The following R3HDM1 variants were observed in gnomAD, a reference collection of about 807,000 sequenced individuals.
The protein encoded by R3HDM1 is R3H domain-containing protein 1.
Under a neutral mutation model 141.1 loss-of-function variants are expected in R3HDM1, and 46 were observed. The observed-to-expected ratio is 0.33, with a 90% CI of 0.26 to 0.42. The LOEUF (loss-of-function observed/expected upper bound fraction) is 0.42, where lower values mean the gene tolerates loss of function less well. Among genes scored for constraint, R3HDM1 ranks in the 10% least tolerant of loss-of-function variants. The pLI is 1.00. For missense variants in R3HDM1, 1,184 were observed against 1,368.3 expected, an observed-to-expected ratio of 0.87 and a Z score of 2.12; for synonymous variants, 435 against 472.9, an observed-to-expected ratio of 0.92 and a Z score of 1.04.
At chr2:135,578,875 T>C (rs964380259) in intron 1 of R3HDM1, among the ~76,000 whole-genome samples, 1 of 152,214 alleles carries the variant, frequency 6.6e-6, no homozygotes, top group East Asian at 1.9e-4. Flanking sequence ...GATAGTAGGC[T>C]AGAATTAACC....
In R3HDM1 at chr2:135,709,647, C is replaced by T. The variant is rs966779437; in HGVS notation, c.2563+111C>T. On this transcript the variant is annotated intron_variant, in intron 22 of 26. Coordinates refer to ENST00000683871, the MANE Select transcript of R3HDM1 (RefSeq NM_001378107.1). The stretch of plus-strand genomic sequence containing the variant: ...TCTCAATTTGTGATGTGCTGAAATA[C>T]ACCCACAATATTGAGGGTGCTGTAC... The T allele has an allele frequency of 4.7e-6, 6 of 1,288,802 alleles. No individual in the cohort carries two copies. The African/African-American group carries it at 7.4e-5, about 16-fold the overall frequency. The allele number at this position is 1,288,802 out of a possible 1,614,324, so 79.8% of individuals were successfully genotyped here. A position where few individuals can be genotyped will look rare whatever the true frequency, so the allele number is the denominator to read the frequency against.
At chr2:135,665,145 G>C (rs557208849) in intron 19 of R3HDM1, among the ~76,000 whole-genome samples, 4 of 152,250 alleles carry the variant, frequency 2.6e-5, no homozygotes, top group Admixed American at 2.0e-4. Flanking sequence ...TTACTTACCA[G>C]TTTCACTAAT....
intron 1 of R3HDM1, among the ~76,000 whole-genome samples, chr2:135,571,528 G>T (rs910347841): frequency 6.6e-6 from 1 of 151,702 alleles, no homozygotes; most frequent in Non-Finnish European, 1.5e-5. Flanking sequence ...GTTTCACCAC[G>T]TTGCCCAGAC....
chr2:135,722,591 AC>A (rs1242879062), intron 26 of R3HDM1, 38 bp downstream of exon 26: 6 of 1,573,234 alleles, frequency 3.8e-6, no homozygotes, highest in Non-Finnish European at 5.2e-6. Flanking sequence ...GGGTCTGCAA[AC>A]TGGTGACAGT....
At chr2:135,664,405 G>A (rs1176570423) in intron 19 of R3HDM1, among the ~76,000 whole-genome samples, 1 of 151,912 alleles carries the variant, frequency 6.6e-6, no homozygotes, top group African/African-American at 2.4e-5. Flanking sequence ...ACCAAATAAT[G>A]AAAACACTAG....
intron 13 of R3HDM1, 38 bp downstream of exon 13, chr2:135,638,827 T>C (rs200770108): frequency 6.2e-7 from 1 of 1,612,398 alleles, no homozygotes; most frequent in East Asian, 2.2e-5. Context: ...ATTGAAAAAT[T>C]AAAGCATTTT....
chr2:135,717,835 T>C (rs570375271), intron 24 of R3HDM1, among the ~76,000 whole-genome samples: 3 of 152,302 alleles, frequency 2.0e-5, no homozygotes, highest in African/African-American at 7.2e-5. Context: ...GCAATTCCAC[T>C]CCTGGGGGAA....
At chr2:135,581,303 T>A in intron 1 of R3HDM1, 1 of 985,432 alleles carries the variant, frequency 1.0e-6, no homozygotes, top group Middle Eastern at 5.2e-4. Flanking sequence ...GTAGGGGAAC[T>A]CTCATGCGTC....
At chr2:135,594,245 C>G (rs145888054) in intron 1 of R3HDM1, among the ~76,000 whole-genome samples, 125 of 152,300 alleles carry the variant, frequency 8.2e-4, no homozygotes, top group African/African-American at 2.9e-3. Flanking sequence ...TTTTAGTACT[C>G]TAGCATTCCT....
At chr2:135,685,516 T>A (rs538930780) in intron 21 of R3HDM1, among the ~76,000 whole-genome samples, 1 of 152,320 alleles carries the variant, frequency 6.6e-6, no homozygotes, top group East Asian at 1.9e-4. Flanking sequence ...TATACCGAAC[T>A]TTTTTCCACC....
At chr2:135,618,072 G>A (rs925634758) in intron 5 of R3HDM1, among the ~76,000 whole-genome samples, 1 of 151,958 alleles carries the variant, frequency 6.6e-6, no homozygotes, top group African/African-American at 2.4e-5. Context: ...AAAATGTTTT[G>A]AAATAGATTG....
chr2:135,534,555 T>C (rs1020520217), intron 1 of R3HDM1, among the ~76,000 whole-genome samples: 1 of 152,228 alleles, frequency 6.6e-6, no homozygotes, highest in Non-Finnish European at 1.5e-5. Flanking sequence ...GTTAAACAAA[T>C]TTAAGGTTAG....
At chr2:135,647,369 C>A (rs992704368) in intron 16 of R3HDM1, among the ~76,000 whole-genome samples, 3 of 152,146 alleles carry the variant, frequency 2.0e-5, no homozygotes, top group Non-Finnish European at 4.4e-5. Flanking sequence ...CATTTGGTTT[C>A]ATTTTTATTT....
intron 7 of R3HDM1, among the ~76,000 whole-genome samples, chr2:135,624,931 A>G (rs2061858385): frequency 6.6e-6 from 1 of 152,230 alleles, no homozygotes; most frequent in Admixed American, 6.5e-5. Flanking sequence ...CAAGTACTAA[A>G]GATAGCAAAA....
At chr2:135,714,914 A>G (rs1228037809) in intron 23 of R3HDM1, among the ~76,000 whole-genome samples, 1 of 152,218 alleles carries the variant, frequency 6.6e-6, no homozygotes, top group Non-Finnish European at 1.5e-5. Flanking sequence ...AATATGAAAA[A>G]AGAGTGAGTT....
intron 1 of R3HDM1, among the ~76,000 whole-genome samples, chr2:135,546,343 C>T (rs1318046200): frequency 1.3e-5 from 2 of 152,102 alleles, no homozygotes; most frequent in Non-Finnish European, 2.9e-5. Flanking sequence ...CACCTGTGCC[C>T]TCTTCCCTTC....
At chr2:135,679,196 C>T (rs942335361) in intron 20 of R3HDM1, among the ~76,000 whole-genome samples, 1 of 148,576 alleles carries the variant, frequency 6.7e-6, no homozygotes, top group Non-Finnish European at 1.5e-5. Context: ...ATTAAGAACC[C>T]TTTATGCCTG....
chr2:135,671,899 C>G (rs1422505521), intron 19 of R3HDM1, among the ~76,000 whole-genome samples: 1 of 151,776 alleles, frequency 6.6e-6, no homozygotes, highest in African/African-American at 2.4e-5. Context: ...TTACTTAAAC[C>G]CAGGAGGTGG....
intron 14 of R3HDM1, 29 bp from the exon 15 acceptor site, chr2:135,641,507 A>T: frequency 6.4e-7 from 1 of 1,567,030 alleles, no homozygotes; most frequent in Admixed American, 2.1e-5. Flanking sequence ...GGTTTAAAAA[A>T]TCCATATTTT....
Sources: allele counts gnomAD v4.1 joint callset (sites outside exome capture counted in the v4.1 genomes callset), GRCh38; gene constraint gnomAD v4.1.1; transcripts MANE v1.5; gene names NCBI Gene and HGNC (gene_info 2026-07-23, HGNC 2026-07-21).